Variants in TENM4 observed in about 807,000 individuals in gnomAD.
The protein encoded by TENM4 is teneurin transmembrane protein 4, also known as teneurin-4.
TENM4 carries 82 observed loss-of-function variants against 243.3 expected under a neutral mutation model. The ratio of observed to expected loss-of-function variants is 0.34; its 90% confidence interval spans 0.28 to 0.40. TENM4 has a LOEUF of 0.40. Among genes scored for constraint, TENM4 ranks in the 10% least tolerant of loss-of-function variants. The pLI, the probability that TENM4 is intolerant of heterozygous loss-of-function variation, is 1.00. For synonymous variants in TENM4, 1,412 were observed against 1,456.3 expected (o/e 0.97, Z 0.69); for missense variants, 3,138 against 3,673.3 (o/e 0.85, Z 3.77).
intron 4 of TENM4, among the ~76,000 whole-genome samples, chr11:79,147,002 C>T (rs1460231692): frequency 6.6e-6 from 1 of 152,102 alleles, no homozygotes; most frequent in East Asian, 1.9e-4. Context: ...CATGCACACA[C>T]ATGCATAGAC....
chr11:79,009,605 T>A (rs11824887), intron 6 of TENM4, among the ~76,000 whole-genome samples: 1 of 151,968 alleles, frequency 6.6e-6, no homozygotes, highest in East Asian at 1.9e-4. Flanking sequence ...GGGACCCTGA[T>A]TTTTAGGCCA....
Position 78,669,649 on chromosome 11 carries a change from T to TGC in TENM4, c.6694_6695dup (p.Arg2233HisfsTer30). ...TGTCATACCGTAGTGGTGTGAGCCGTGCACTGTTCCCAGGGCTCAGTAAGT... is the reference window on the plus strand; with the variant it reads ...TGTCATACCGTAGTGGTGTGAGCCGTGCGCACTGTTCCCAGGGCTCAGTAAGT... On this transcript the variant is annotated frameshift_variant, in exon 32 of 34. Coordinates refer to ENST00000278550, the MANE Select transcript of TENM4 (RefSeq NM_001098816.3). LOFTEE classifies it high-confidence loss of function. This position sits in a 1 kb window ranked among gnomAD's most constrained non-coding sequence, Gnocchi z 6.4. The TGC allele has an allele frequency of 6.2e-7, 1 of 1,613,984 alleles. No individual in the cohort carries two copies. Among genetic ancestry groups the TGC allele is most frequent in the Non-Finnish European group, 8.5e-7 (1 of 1,179,890 alleles).
chr11:78,915,615 AT>A, intron 6 of TENM4, among the ~76,000 whole-genome samples: 1 of 151,942 alleles, frequency 6.6e-6, no homozygotes, highest in East Asian at 1.9e-4. Context: ...TAAACTTTTT[AT>A]TTTTATCCAC....
chr11:78,756,884 A>C lies in TENM4; in HGVS notation c.2677T>G (p.Ser893Ala). Residue 893 changes from serine (S) to alanine (A), a missense_variant, in exon 19 of 34, where the codon TCC becomes GCC. Transcript: ENST00000278550. ...QVPVSQQNLH[S>A]FYDRIKFLVG... ...AGGAACTTGATGCGGTCATAGAAGG[A>C]GTGTAGGTTCTGCTGTGACACAGGG... The C allele has an allele frequency of 2.5e-6, 4 of 1,613,780 alleles. No individual in the cohort carries two copies. In the South Asian group the frequency reaches 4.4e-5, roughly 18 times the overall value.
At position 78,676,399 on chromosome 11, in the gene TENM4, G is replaced by C; in HGVS notation, c.5261-12C>G. The C allele has an allele frequency of 7.6e-6, 12 of 1,574,702 alleles. No homozygotes were observed. The highest frequency in any genetic ancestry group is 9.6e-6 in the Non-Finnish European group (11 of 1,150,828). ...GTTCCGGACTTGGTCTGCAGGAGAG[G>C]ACAAGCACAGACTGCTCAGAAGGAA... is the stretch of plus-strand genomic sequence containing the variant. On this transcript the variant is annotated splice_polypyrimidine_tract_variant and intron_variant, in intron 29 of 33. Coordinates refer to ENST00000278550, the MANE Select transcript of TENM4 (RefSeq NM_001098816.3).
intron 2 of TENM4, among the ~76,000 whole-genome samples, chr11:79,273,320 T>G (rs940742854): frequency 1.5e-4 from 23 of 152,190 alleles, no homozygotes; most frequent in Admixed American, 3.9e-4. Flanking sequence ...TTAAACTCAA[T>G]GACATTTGAT....
intron 2 of TENM4, among the ~76,000 whole-genome samples, chr11:79,222,220 TA>T (rs937128755): frequency 2.6e-5 from 4 of 152,190 alleles, no homozygotes; most frequent in Non-Finnish European, 4.4e-5. Flanking sequence ...AGAGAAAAGA[TA>T]ACAGTTCCCA....
intron 6 of TENM4, among the ~76,000 whole-genome samples, chr11:78,988,456 G>C (rs1239026162): frequency 6.6e-6 from 1 of 152,218 alleles, no homozygotes; most frequent in Non-Finnish European, 1.5e-5. Flanking sequence ...GGGGCAATTT[G>C]TTATGTAGCA....
intron 6 of TENM4, among the ~76,000 whole-genome samples, chr11:78,995,308 G>C (rs934595645): frequency 6.6e-6 from 1 of 152,186 alleles, no homozygotes; most frequent in Admixed American, 6.5e-5. Context: ...GCCATGTCAA[G>C]AGTTTAGATT....
At chr11:79,206,761 C>T (rs1402670459) in intron 3 of TENM4, among the ~76,000 whole-genome samples, 2 of 152,164 alleles carry the variant, frequency 1.3e-5, no homozygotes, top group Admixed American at 1.3e-4. Flanking sequence ...TGAGGCCTCC[C>T]CAGCTATGTG....
At chr11:79,181,311 C>T (rs1305009489) in intron 3 of TENM4, among the ~76,000 whole-genome samples, 1 of 152,024 alleles carries the variant, frequency 6.6e-6, no homozygotes, top group African/African-American at 2.4e-5. Context: ...TAATATAATC[C>T]ACCACATCAA....
In TENM4 at chr11:79,074,301, G is replaced by T. The variant is rs1425715778; in HGVS notation, c.-65-4292C>A. Among the ~76,000 whole-genome samples, 8 of 152,120 alleles carry T rather than the reference G, an allele frequency of 5.3e-5. No individual in the cohort carries two copies. In the East Asian group the frequency reaches 1.5e-3, roughly 29 times the overall value. On this transcript the variant is annotated intron_variant, in intron 4 of 33. Coordinates refer to ENST00000278550, the MANE Select transcript of TENM4 (RefSeq NM_001098816.3). Reference sequence around the variant, plus strand: ...GAAAGAGGAGTGACAGTGGAGAAATGCTCCCTCTGGAGCAAGGGACTTCAG... The same window carrying T: ...GAAAGAGGAGTGACAGTGGAGAAATTCTCCCTCTGGAGCAAGGGACTTCAG...
chr11:78,671,208 T>C (rs997351675), intron 31 of TENM4, among the ~76,000 whole-genome samples: 13 of 152,192 alleles, frequency 8.5e-5, no homozygotes, highest in South Asian at 2.1e-4. Flanking sequence ...TTTCTAACAA[T>C]AGTCTCCTTG....
At chr11:78,892,681 TATTA>T (rs1418754027) in intron 7 of TENM4, among the ~76,000 whole-genome samples, 2 of 152,232 alleles carry the variant, frequency 1.3e-5, no homozygotes, top group Non-Finnish European at 2.9e-5. Flanking sequence ...ATCTACCACA[TATTA>T]TTTATTGTTC....
At chr11:78,906,155 A>G (rs1314757229) in intron 6 of TENM4, among the ~76,000 whole-genome samples, 1 of 152,234 alleles carries the variant, frequency 6.6e-6, no homozygotes, top group Non-Finnish European at 1.5e-5. Flanking sequence ...AGTTTCTGCT[A>G]TGTATTGGAG....
intron 7 of TENM4, among the ~76,000 whole-genome samples, chr11:78,897,759 C>A (rs1349662255): frequency 6.6e-6 from 1 of 152,260 alleles, no homozygotes; most frequent in Admixed American, 6.5e-5. Flanking sequence ...CTGCAACGCT[C>A]TGGGGCTGAC....
chr11:78,741,938 A>G (rs1190717702), intron 19 of TENM4, among the ~76,000 whole-genome samples: 1 of 152,048 alleles, frequency 6.6e-6, no homozygotes, highest in African/African-American at 2.4e-5. Context: ...TTGCTTCCTC[A>G]TGGTCACTGT....
chr11:79,420,213 C>T (rs894188818), intron 1 of TENM4, among the ~76,000 whole-genome samples: 4 of 152,128 alleles, frequency 2.6e-5, no homozygotes, highest in Non-Finnish European at 5.9e-5. Context: ...AATCCTTACT[C>T]TTTGTATTTA....
chr11:79,374,182 A>G (rs949614885), intron 1 of TENM4, among the ~76,000 whole-genome samples: 1 of 152,162 alleles, frequency 6.6e-6, no homozygotes, highest in African/African-American at 2.4e-5. Flanking sequence ...TCAAAGATCA[A>G]TCTTCCCATG....
Sources: gnomAD v4.1 joint callset for allele counts (sites outside exome capture counted in the v4.1 genomes callset) on GRCh38, gnomAD v4.1.1 for gene constraint, Gnocchi (gnomAD v3.1) non-coding constraint, MANE v1.5 for transcripts, NCBI Gene and HGNC (gene_info 2026-07-23, HGNC 2026-07-21) for gene names.